The following NELL2 variants were observed in gnomAD, a reference collection of about 807,000 sequenced individuals.
NELL2 encodes the protein protein kinase C-binding protein NELL2.
A neutral mutation model predicts 109.6 loss-of-function variants in NELL2; 41 were observed. The observed-to-expected ratio is 0.37, with a 90% CI of 0.29 to 0.49. The LOEUF is 0.49. Ranked by LOEUF, NELL2 falls within the 20% of genes least tolerant of loss-of-function variation. NELL2 has a pLI of 0.98. For missense variants in NELL2, 900 were observed against 1,008.3 expected (o/e 0.89, Z 1.45); for synonymous variants, 355 against 344.7 (o/e 1.03, Z -0.33).
At chr12:44,836,729 A>G (rs1174907329) in intron 2 of NELL2, among the ~76,000 whole-genome samples, 1 of 152,224 alleles carries the variant, frequency 6.6e-6, no homozygotes, top group Non-Finnish European at 1.5e-5. Flanking sequence ...AGAGATTAGC[A>G]ATATCTGCTC....
intron 9 of NELL2, among the ~76,000 whole-genome samples, chr12:44,757,302 C>T (rs760399279): frequency 5.9e-5 from 9 of 152,072 alleles, no homozygotes; most frequent in Non-Finnish European, 1.2e-4. Context: ...CATATCCCAT[C>T]CTGCTTTTTC....
chr12:44,518,975 A>T (rs902400883), intron 19 of NELL2, among the ~76,000 whole-genome samples: 18 of 152,250 alleles, frequency 1.2e-4, no homozygotes, highest in African/African-American at 4.1e-4. Flanking sequence ...AAGAACTAGA[A>T]ATTTGAGCTT....
chr12:44,523,434 A>G lies in NELL2; in HGVS notation c.1855T>C (p.Cys619Arg), dbSNP rs1442145369. Residue 619 changes from cysteine to arginine, a missense_variant, in exon 17 of 20, where the codon TGC (cysteine) becomes CGC (arginine). Coordinates refer to ENST00000429094, the MANE Select transcript of NELL2 (RefSeq NM_001145108.2). Reference protein sequence around the residue: ...GRHSCANDTICFNLDGGYDCR... With the variant: ...GRHSCANDTIRFNLDGGYDCR... ...TCATATCCGCCATCCAAATTGAAGC[A>G]AATGGTATCATTGGCACAGCTGTGC... 6.2e-7 allele frequency: 1 copy of G among 1,614,028 alleles called. No individual in the cohort carries two copies. Among genetic ancestry groups the G allele is most frequent in the Admixed American group, 1.7e-5 (1 of 59,994 alleles).
chr12:44,690,739 A>C (rs1401601067), intron 12 of NELL2, among the ~76,000 whole-genome samples: 2 of 152,164 alleles, frequency 1.3e-5, no homozygotes, highest in Non-Finnish European at 2.9e-5. Context: ...TATATGACCA[A>C]CACCTATTAT....
intron 19 of NELL2, among the ~76,000 whole-genome samples, chr12:44,517,270 C>G (rs1193542356): frequency 1.3e-5 from 2 of 151,822 alleles, no homozygotes; most frequent in East Asian, 3.9e-4. Flanking sequence ...GTTATCTATT[C>G]TAATGTTAGA....
chr12:44,684,938 T>A (rs1592330531), intron 12 of NELL2, among the ~76,000 whole-genome samples: 1 of 152,222 alleles, frequency 6.6e-6, no homozygotes, highest in Non-Finnish European at 1.5e-5. Context: ...CCAGGTCTGC[T>A]TGGTGCAGAG....
At chr12:44,791,141 G>A (rs11182682) in intron 3 of NELL2, among the ~76,000 whole-genome samples, 39,308 of 50,698 alleles carry the variant, frequency 0.78, 15,134 homozygotes, top group Middle Eastern at 0.87. Context: ...ATATACACAC[G>A]CACACACATA....
chr12:44,799,840 G>C (rs923464982), intron 3 of NELL2, among the ~76,000 whole-genome samples: 1 of 152,062 alleles, frequency 6.6e-6, no homozygotes, highest in African/African-American at 2.4e-5. Context: ...ATTTGTAGAG[G>C]CTCAAATAAA....
chr12:44,753,821 T>G (rs1007308978), intron 9 of NELL2, among the ~76,000 whole-genome samples: 13 of 151,976 alleles, frequency 8.6e-5, no homozygotes, highest in Non-Finnish European at 1.6e-4. Flanking sequence ...TTAAATATCA[T>G]GGTGAGGAAT....
chr12:44,761,156 G>A (rs1397190221), intron 9 of NELL2, among the ~76,000 whole-genome samples: 2 of 152,184 alleles, frequency 1.3e-5, no homozygotes, highest in African/African-American at 4.8e-5. Flanking sequence ...GAGGTCGGGA[G>A]TTCAAGACTG....
intron 9 of NELL2, among the ~76,000 whole-genome samples, chr12:44,722,173 A>G (rs897876373): frequency 6.6e-6 from 1 of 151,676 alleles, no homozygotes; most frequent in Non-Finnish European, 1.5e-5. Context: ...CCTGGTGAAA[A>G]TAAGAAACTT....
chr12:44,887,234 C>A, intron 1 of NELL2, among the ~76,000 whole-genome samples: 1 of 151,968 alleles, frequency 6.6e-6, no homozygotes, highest in East Asian at 1.9e-4. Context: ...ACCGGCTGGT[C>A]TCGAACTCCT....
chr12:44,739,568 T>C (rs1939831451), intron 9 of NELL2, among the ~76,000 whole-genome samples: 1 of 152,160 alleles, frequency 6.6e-6, no homozygotes, highest in African/African-American at 2.4e-5. Context: ...TAAAATTATA[T>C]TATAGAAAAT....
chr12:44,746,001 G>A lies in NELL2; in HGVS notation c.994+28746C>T, dbSNP rs200716732. On this transcript the variant is annotated intron_variant, in intron 9 of 19. Coordinates refer to ENST00000429094, the MANE Select transcript of NELL2 (RefSeq NM_001145108.2). ...GCCCGCATTGCCAAGTCAATCCTAA[G>A]CCAAAAGAACAAAGCTGGAGGCATC... Among the ~76,000 whole-genome samples the A allele has an allele frequency of 2.7e-4, 41 of 152,216 alleles. No homozygotes were observed. The East Asian group carries it at 7.7e-3, about 29-fold the overall frequency.
chr12:44,711,333 T>A lies in NELL2; in HGVS notation c.1148A>T (p.His383Leu), dbSNP rs1185800839. 1 of 1,612,714 alleles carries A rather than the reference T, an allele frequency of 6.2e-7. No individual in the cohort carries two copies. The highest frequency in any genetic ancestry group is 1.3e-5 in the African/African-American group (1 of 74,970). ...ACAGCTGTGAGACAAGGTTATCTGA[T>A]GAGACTCTGGACAATCCAAAGCTGG... Reference protein sequence around the residue: ...GCPALDCPESHQITLSHSCCK... With the variant: ...GCPALDCPESLQITLSHSCCK... The change falls in exon 11 of 20, where the codon CAT (histidine) becomes CTT (leucine). Residue 383 changes from histidine (H) to leucine (L), a missense_variant. Transcript: ENST00000429094.
chr12:44,685,775 G>C (rs111393377), intron 12 of NELL2, among the ~76,000 whole-genome samples: 13,645 of 151,972 alleles, frequency 0.09, 1,910 homozygotes, highest in African/African-American at 0.3. Context: ...GAGTTTCTGC[G>C]GAGAGATCTG....
chr12:44,608,692 T>C (rs7966743), intron 14 of NELL2, among the ~76,000 whole-genome samples: 1 of 150,816 alleles, frequency 6.6e-6, no homozygotes, highest in Non-Finnish European at 1.5e-5. Context: ...CATAGGAATT[T>C]GTATCAAGCA....
At chr12:44,779,622 A>G in intron 5 of NELL2, 41 bp downstream of exon 5, 1 of 1,476,360 alleles carries the variant, frequency 6.8e-7, no homozygotes. Context: ...ACTCATTAGA[A>G]AGCATTTACA....
At chr12:44,853,568 G>C (rs1566535272) in intron 2 of NELL2, among the ~76,000 whole-genome samples, 2 of 152,042 alleles carry the variant, frequency 1.3e-5, no homozygotes, top group Non-Finnish European at 2.9e-5. Context: ...GAGTCATAGT[G>C]CTTTCCTGAG....
Sources: gnomAD v4.1 joint callset for allele counts (sites outside exome capture counted in the v4.1 genomes callset) on GRCh38, gnomAD v4.1.1 for gene constraint, MANE v1.5 for transcripts, NCBI Gene and HGNC (gene_info 2026-07-23, HGNC 2026-07-21) for gene names.